Variants in GALNT17 observed in about 807,000 individuals in gnomAD.
GALNT17 encodes polypeptide N-acetylgalactosaminyltransferase 17, also known as UDP-GalNAc:polypeptide N-acetylgalactosaminyltransferase-like 3.
Under a neutral mutation model 63.7 loss-of-function variants are expected in GALNT17, and 29 were observed. The ratio of observed to expected loss-of-function variants is 0.46; its 90% CI spans 0.34 to 0.62. The LOEUF (loss-of-function observed/expected upper bound fraction) is 0.62. Among genes scored for constraint, GALNT17 ranks in the 20% least tolerant of loss-of-function variants. The probability of loss-of-function intolerance (pLI) is 0.01; values close to 1 mark genes in which losing one functional copy is unlikely to be tolerated. For missense variants in GALNT17, 603 were observed against 799.6 expected, an observed-to-expected ratio of 0.75 and a Z score of 2.97; for synonymous variants, 305 against 318.3, an observed-to-expected ratio of 0.96 and a Z score of 0.45.
intron 9 of GALNT17, among the ~76,000 whole-genome samples, chr7:71,696,432 T>G (rs1791547255): frequency 1.3e-5 from 2 of 152,124 alleles, no homozygotes; most frequent in South Asian, 4.1e-4. Flanking sequence ...ACATTTTGCA[T>G]TTAGCCATTG....
intron 2 of GALNT17, among the ~76,000 whole-genome samples, chr7:71,382,118 G>A (rs1420024906): frequency 6.6e-6 from 1 of 152,110 alleles, no homozygotes; most frequent in Non-Finnish European, 1.5e-5. Flanking sequence ...GGTGGCTCAC[G>A]CCTGTAATCC....
At chr7:71,680,960 T>C (rs1198914219) in intron 9 of GALNT17, among the ~76,000 whole-genome samples, 1 of 151,712 alleles carries the variant, frequency 6.6e-6, no homozygotes, top group Non-Finnish European at 1.5e-5. Context: ...AGTGCAATGG[T>C]GTGATCACAG....
chr7:71,325,181 A>C (rs2116030131), intron 1 of GALNT17, among the ~76,000 whole-genome samples: 1 of 152,296 alleles, frequency 6.6e-6, no homozygotes, highest in Non-Finnish European at 1.5e-5. Flanking sequence ...GCTCACTGTT[A>C]AGCTTATGGC....
At chr7:71,539,746 G>T (rs1009134895) in intron 5 of GALNT17, among the ~76,000 whole-genome samples, 1 of 109,560 alleles carries the variant, frequency 9.1e-6, no homozygotes, top group Non-Finnish European at 1.7e-5. Context: ...GCACGGTCTG[G>T]CTTTGTTGCC....
intron 6 of GALNT17, among the ~76,000 whole-genome samples, chr7:71,627,885 A>G (rs1038522877): frequency 2.0e-5 from 3 of 152,146 alleles, no homozygotes; most frequent in African/African-American, 7.2e-5. Flanking sequence ...CGAACTATTT[A>G]TAGCCTGTAT....
intron 1 of GALNT17, among the ~76,000 whole-genome samples, chr7:71,301,570 A>C (rs775774985): frequency 1.3e-5 from 2 of 151,816 alleles, no homozygotes; most frequent in Non-Finnish European, 2.9e-5. Context: ...CAACTGATGT[A>C]TAATTTCAGT....
intron 1 of GALNT17, among the ~76,000 whole-genome samples, chr7:71,189,351 G>A (rs575386917): frequency 1.1e-4 from 16 of 152,074 alleles, no homozygotes; most frequent in South Asian, 6.2e-4. Flanking sequence ...ACCCTGTCTC[G>A]GGTATGTGAA....
At chr7:71,444,327 G>A (rs1048425772) in intron 5 of GALNT17, among the ~76,000 whole-genome samples, 8 of 151,998 alleles carry the variant, frequency 5.3e-5, no homozygotes, top group South Asian at 4.1e-4. Context: ...GCCTTCCCTC[G>A]CCACTTCCCC....
At chr7:71,185,527 T>TC (rs1455309667) in intron 1 of GALNT17, among the ~76,000 whole-genome samples, 1 of 147,364 alleles carries the variant, frequency 6.8e-6, no homozygotes, top group Non-Finnish European at 1.5e-5. Flanking sequence ...CTTTTCTTTT[T>TC]TTTTTTTTTT....
chr7:71,277,175 G>A (rs915558761), intron 1 of GALNT17, among the ~76,000 whole-genome samples: 2 of 152,116 alleles, frequency 1.3e-5, no homozygotes, highest in Non-Finnish European at 2.9e-5. Context: ...GAATGAAATC[G>A]TGTCCTTTGC....
chr7:71,448,048 G>T (rs941116631), intron 5 of GALNT17, among the ~76,000 whole-genome samples: 4 of 151,946 alleles, frequency 2.6e-5, no homozygotes, highest in African/African-American at 7.3e-5. Context: ...ACTATTTTTA[G>T]TGCTTGTATG....
intron 2 of GALNT17, among the ~76,000 whole-genome samples, chr7:71,336,206 T>C (rs1257907463): frequency 5.3e-5 from 8 of 151,966 alleles, no homozygotes; most frequent in African/African-American, 1.9e-4. Flanking sequence ...CCACCACACC[T>C]GGCTAATTTT....
chr7:71,285,448 T>A (rs983170840), intron 1 of GALNT17, among the ~76,000 whole-genome samples: 4 of 152,238 alleles, frequency 2.6e-5, no homozygotes, highest in African/African-American at 9.6e-5. Context: ...CCACTTGCTA[T>A]GTGAGCTGCA....
intron 1 of GALNT17, among the ~76,000 whole-genome samples, chr7:71,329,215 C>T (rs1366156569): frequency 6.6e-6 from 1 of 152,066 alleles, no homozygotes; most frequent in Admixed American, 6.6e-5. Flanking sequence ...GTGTCTCTTG[C>T]CTTGACCCTT....
intron 2 of GALNT17, among the ~76,000 whole-genome samples, chr7:71,347,772 T>C (rs776802700): frequency 5.9e-5 from 9 of 152,094 alleles, no homozygotes; most frequent in Middle Eastern, 3.2e-3. Flanking sequence ...AGCCAACATA[T>C]TGAGGAAGAT....
chr7:71,169,732 T>C (rs1788510414), intron 1 of GALNT17, among the ~76,000 whole-genome samples: 1 of 152,082 alleles, frequency 6.6e-6, no homozygotes, highest in Non-Finnish European at 1.5e-5. Context: ...ATTTTGCTAT[T>C]ATTTGTAGAG....
chr7:71,699,139 G>A lies in GALNT17; in HGVS notation c.1501-11622G>A, dbSNP rs1191373051. On this transcript the variant is annotated intron_variant, in intron 9 of 10. Transcript: ENST00000333538. ...GTGAGCCAAGATCATGCCACTGCACGCCAGCCTAGGCAACAGAGCAAGACT... is the reference window on the plus strand; with the variant it reads ...GTGAGCCAAGATCATGCCACTGCACACCAGCCTAGGCAACAGAGCAAGACT... Among the ~76,000 whole-genome samples the A allele has an allele frequency of 6.1e-5, 7 of 115,384 alleles. No individual in the cohort carries two copies. The East Asian group carries it at 1.3e-3, about 21-fold the overall frequency. The allele number at this position is 115,384 out of a possible 152,430, so 75.7% of individuals were successfully genotyped here. A position where few individuals can be genotyped will look rare whatever the true frequency, so the allele number is the denominator to read the frequency against.
At chr7:71,355,652 C>A (rs1214675397) in intron 2 of GALNT17, among the ~76,000 whole-genome samples, 1 of 151,934 alleles carries the variant, frequency 6.6e-6, no homozygotes, top group Non-Finnish European at 1.5e-5. Flanking sequence ...CCTGCCTCAG[C>A]CTTCCGAGTA....
At chr7:71,169,999 G>C (rs754429786) in intron 1 of GALNT17, among the ~76,000 whole-genome samples, 11 of 149,924 alleles carry the variant, frequency 7.3e-5, no homozygotes, top group Non-Finnish European at 1.5e-4. Context: ...ATGGGGTCTT[G>C]CTATGCTGTC....
Sources: allele counts gnomAD v4.1 joint callset (sites outside exome capture counted in the v4.1 genomes callset), GRCh38; gene constraint gnomAD v4.1.1; transcripts MANE v1.5; gene names NCBI Gene and HGNC (gene_info 2026-07-23, HGNC 2026-07-21).